The following ATE1 variants were observed in gnomAD, a reference collection of about 807,000 sequenced individuals.
ATE1 encodes arginyl-tRNA--protein transferase 1.
ATE1 carries 36 observed loss-of-function variants against 70.5 expected under a neutral mutation model. That is an observed-to-expected ratio of 0.51 (90% confidence interval 0.39 to 0.67). ATE1 has a LOEUF of 0.67. Among genes scored for constraint, ATE1 ranks in the 30% least tolerant of loss-of-function variants. The pLI is 0.00. For synonymous variants in ATE1, 232 were observed against 219.3 expected (o/e 1.06, Z -0.51); for missense variants, 593 against 629.5 (o/e 0.94, Z 0.62).
intron 3 of ATE1, among the ~76,000 whole-genome samples, chr10:121,921,396 C>A (rs1951876277): frequency 6.7e-6 from 1 of 150,070 alleles, no homozygotes; most frequent in African/African-American, 2.5e-5. Context: ...CCAGAGGCAG[C>A]AACAGGCACG....
At chr10:121,815,250 C>T (rs35410523) in intron 10 of ATE1, among the ~76,000 whole-genome samples, 2 of 152,210 alleles carry the variant, frequency 1.3e-5, no homozygotes, top group Admixed American at 6.5e-5. Flanking sequence ...ATTCTCCTGC[C>T]TCAGCCTCCC....
At chr10:121,910,412 T>TA (rs1408963350) in intron 5 of ATE1, among the ~76,000 whole-genome samples, 3 of 151,962 alleles carry the variant, frequency 2.0e-5, no homozygotes, top group South Asian at 2.1e-4. Flanking sequence ...AGTAATAACA[T>TA]AAAAAAATCT....
intron 7 of ATE1, among the ~76,000 whole-genome samples, chr10:121,891,734 G>C (rs1349935312): frequency 6.6e-6 from 1 of 152,086 alleles, no homozygotes; most frequent in African/African-American, 2.4e-5. Flanking sequence ...TTATTTTACA[G>C]AGTCAGACTG....
Position 121,743,577 on chromosome 10 carries a change from C to T in ATE1, c.*103G>A, listed in dbSNP as rs2135632854. ...CATAGATAGTCAAAATAAAAAATGT[C>T]TAATTTGTGGGTGGTGACAGTTATT... On this transcript the variant is annotated 3_prime_UTR_variant, in exon 12 of 12. Transcript: ENST00000224652. The T allele has an allele frequency of 2.2e-6, 3 of 1,386,216 alleles. No homozygotes were observed. The African/African-American group carries it at 4.4e-5, about 20-fold the overall frequency. The allele number at this position is 1,386,216 out of a possible 1,614,324, so 85.9% of individuals were successfully genotyped here. A position where few individuals can be genotyped will look rare whatever the true frequency, so the allele number is the denominator to read the frequency against.
At chr10:121,774,814 T>C (rs1486581249) in intron 11 of ATE1, among the ~76,000 whole-genome samples, 1 of 140,902 alleles carries the variant, frequency 7.1e-6, no homozygotes, top group Non-Finnish European at 1.5e-5. Flanking sequence ...AAATTATCTG[T>C]GCAACTTACA....
intron 10 of ATE1, among the ~76,000 whole-genome samples, chr10:121,820,735 T>A (rs1008987684): frequency 6.6e-6 from 1 of 152,222 alleles, no homozygotes; most frequent in African/African-American, 2.4e-5. Flanking sequence ...AAGGGAAAGC[T>A]GAGACATTTC....
intron 8 of ATE1, among the ~76,000 whole-genome samples, chr10:121,869,308 C>A (rs1220636465): frequency 6.6e-6 from 1 of 152,230 alleles, no homozygotes; most frequent in Non-Finnish European, 1.5e-5. Context: ...CACTTCTTCA[C>A]ATAACTCTGC....
At chr10:121,927,306 C>T in intron 1 of ATE1, 3 of 984,980 alleles carry the variant, frequency 3.0e-6, no homozygotes, top group Non-Finnish European at 3.6e-6. Context: ...CGGTAGCGAC[C>T]GCGGTCACCA....
At chr10:121,856,477 C>G (rs1949254616) in intron 8 of ATE1, among the ~76,000 whole-genome samples, 1 of 152,166 alleles carries the variant, frequency 6.6e-6, no homozygotes, top group Non-Finnish European at 1.5e-5. Flanking sequence ...CTGCAGTGAG[C>G]CGAGATCATG....
chr10:121,809,380 T>A (rs1947226323), intron 10 of ATE1, among the ~76,000 whole-genome samples: 1 of 152,032 alleles, frequency 6.6e-6, no homozygotes, highest in Admixed American at 6.5e-5. Flanking sequence ...ACACGAGTGT[T>A]TTTCCTGAGA....
chr10:121,928,247 G>A (rs1434907089), upstream of ATE1: 2 of 1,404,324 alleles, frequency 1.4e-6, no homozygotes, highest in Non-Finnish European at 1.9e-6. Context: ...GTCAAGAGGG[G>A]AAGGGAAGCG....
chr10:121,745,542 C>A (rs547626200), intron 11 of ATE1, among the ~76,000 whole-genome samples: 7 of 152,216 alleles, frequency 4.6e-5, no homozygotes, highest in South Asian at 4.1e-4. Flanking sequence ...CGGTGAAACC[C>A]CGTCTCTACT....
At chr10:121,796,809 G>A (rs1159519954) in intron 10 of ATE1, among the ~76,000 whole-genome samples, 1 of 152,182 alleles carries the variant, frequency 6.6e-6, no homozygotes, top group African/African-American at 2.4e-5. Flanking sequence ...TGTGTCTTCT[G>A]GAAGAGGAGA....
At chr10:121,846,886 A>C (rs1948846385) in intron 8 of ATE1, among the ~76,000 whole-genome samples, 1 of 152,142 alleles carries the variant, frequency 6.6e-6, no homozygotes, top group South Asian at 2.1e-4. Flanking sequence ...GATACAATAC[A>C]AAGAGTAAAG....
At chr10:121,776,842 G>A (rs921256536) in intron 11 of ATE1, among the ~76,000 whole-genome samples, 3 of 152,196 alleles carry the variant, frequency 2.0e-5, no homozygotes, top group Admixed American at 6.5e-5. Flanking sequence ...ACTATTCTAC[G>A]CATGACCTCA....
At chr10:121,878,202 T>C (rs1950116551) in intron 7 of ATE1, among the ~76,000 whole-genome samples, 1 of 152,044 alleles carries the variant, frequency 6.6e-6, no homozygotes, top group Non-Finnish European at 1.5e-5. Flanking sequence ...AACCTCTGGG[T>C]AGGAAAATAC....
intron 4 of ATE1, among the ~76,000 whole-genome samples, chr10:121,911,363 C>CAA (rs539485889): frequency 1.1e-3 from 170 of 151,322 alleles, no homozygotes; most frequent in African/African-American, 4.1e-3. Flanking sequence ...TTTGGGAGGC[C>CAA]AACACAGGAG....
intron 11 of ATE1, among the ~76,000 whole-genome samples, chr10:121,777,807 A>T (rs1302573643): frequency 1.3e-5 from 2 of 152,222 alleles, no homozygotes; most frequent in African/African-American, 4.8e-5. Context: ...TATAAATGTA[A>T]TTCATTATGT....
At position 121,777,501 on chromosome 10, in the gene ATE1, C is replaced by T. The variant is rs561018921; in HGVS notation, c.1378+12668G>A. Among the ~76,000 whole-genome samples the T allele has an allele frequency of 2.0e-5, 3 of 151,844 alleles. No homozygotes were observed. The East Asian group carries it at 5.8e-4, about 29-fold the overall frequency. On this transcript the variant is annotated intron_variant, in intron 11 of 11. Coordinates refer to ENST00000224652, the MANE Select transcript of ATE1 (RefSeq NM_001001976.3). ...ACAGACCGTAAGAGCTAAGGAGATA[C>T]ACATGCAGTCAAGATAGAAACCTCT...
Sources: gnomAD v4.1 joint callset for allele counts (sites outside exome capture counted in the v4.1 genomes callset) on GRCh38, gnomAD v4.1.1 for gene constraint, MANE v1.5 for transcripts, NCBI Gene and HGNC (gene_info 2026-07-23, HGNC 2026-07-21) for gene names.